LNX1: variants seen among roughly 807,000 people sequenced by gnomAD.
The protein encoded by LNX1 is E3 ubiquitin-protein ligase LNX.
A neutral mutation model predicts 68.4 loss-of-function variants in LNX1; 54 were observed. That is an observed-to-expected ratio of 0.79 (90% CI 0.63 to 0.99). LNX1 has a LOEUF of 0.99. LNX1 is among the 50% of genes least tolerant of loss of function. LNX1 has a pLI of 0.00. For synonymous variants in LNX1, 336 were observed against 350.0 expected (o/e 0.96, Z 0.45); for missense variants, 906 against 926.4 (o/e 0.98, Z 0.29).
At position 53,581,628 on chromosome 4, in the gene LNX1, C is replaced by T. The variant is rs150813974; in HGVS notation, c.-86-7540G>A. On this transcript the variant is annotated intron_variant, in intron 1 of 10. Transcript: ENST00000263925. ...GGCGAGAGAACATGTGCAGGGGAAC[C>T]GCCCTTTATAAAACCAACATATCTC... 8.0e-4 allele frequency among the ~76,000 whole-genome samples: 121 copies of T among 152,192 alleles called. No individual in the cohort carries two copies. The East Asian group carries it at 0.02, about 25-fold the overall frequency.
At chr4:53,642,886 G>T (rs1689679296) in intron 1 of LNX1, among the ~76,000 whole-genome samples, 2 of 152,174 alleles carry the variant, frequency 1.3e-5, no homozygotes, top group Non-Finnish European at 2.9e-5. Flanking sequence ...GGACCGTTAT[G>T]GTCGCCTGGG....
chr4:53,541,366 A>C (rs1486181248), intron 2 of LNX1, among the ~76,000 whole-genome samples: 1 of 152,180 alleles, frequency 6.6e-6, no homozygotes, highest in Non-Finnish European at 1.5e-5. Context: ...TCTCTAAGGA[A>C]AAGTGTGAAC....
intron 2 of LNX1, among the ~76,000 whole-genome samples, chr4:53,536,955 C>T (rs1728416412): frequency 6.6e-6 from 1 of 152,202 alleles, no homozygotes; most frequent in East Asian, 1.9e-4. Context: ...CCAAATATCT[C>T]TGACTTGGTG....
intron 9 of LNX1, among the ~76,000 whole-genome samples, chr4:53,471,079 G>T (rs1385484651): frequency 1.1e-5 from 1 of 89,642 alleles, no homozygotes; most frequent in Non-Finnish European, 2.4e-5. Flanking sequence ...CGCACTACCT[G>T]ACTTCAAACT....
chr4:53,467,471 A>G (rs970197331), intron 9 of LNX1, among the ~76,000 whole-genome samples: 2 of 152,232 alleles, frequency 1.3e-5, no homozygotes, highest in African/African-American at 4.8e-5. Flanking sequence ...CTCACCAGCA[A>G]TGGAACAAAG....
chr4:53,516,330 C>G (rs1378458463), intron 2 of LNX1, among the ~76,000 whole-genome samples: 1 of 152,170 alleles, frequency 6.6e-6, no homozygotes, highest in Non-Finnish European at 1.5e-5. Context: ...TAATTATTGT[C>G]TAACATCAAG....
intron 2 of LNX1, among the ~76,000 whole-genome samples, chr4:53,604,860 A>G (rs1360987917): frequency 6.6e-6 from 1 of 152,226 alleles, no homozygotes; most frequent in Admixed American, 6.5e-5. Context: ...GCAGGGGCAG[A>G]AAACTGGAAA....
chr4:53,549,358 T>C (rs1410635373), intron 2 of LNX1: 2 of 151,992 alleles, frequency 1.3e-5, no homozygotes, highest in East Asian at 3.9e-4. Flanking sequence ...CTTTTTCAGT[T>C]ACTAGCCCAG....
chr4:53,609,991 G>A (rs1733415647), intron 2 of LNX1, among the ~76,000 whole-genome samples: 2 of 151,622 alleles, frequency 1.3e-5, no homozygotes, highest in South Asian at 4.2e-4. Flanking sequence ...TGTGCTCAAG[G>A]TGAAATGGTA....
chr4:53,592,316 G>A (rs571169363), upstream of LNX1, among the ~76,000 whole-genome samples: 2 of 152,278 alleles, frequency 1.3e-5, no homozygotes, highest in Non-Finnish European at 2.9e-5. Flanking sequence ...TGTCCCAAGC[G>A]TGGTGTGTGA....
At chr4:53,651,405 G>GAA (rs1247604582) in intron 1 of LNX1, among the ~76,000 whole-genome samples, 2 of 152,180 alleles carry the variant, frequency 1.3e-5, no homozygotes, top group African/African-American at 4.8e-5. Flanking sequence ...GACATTTGTT[G>GAA]AAGTGAATTC....
chr4:53,512,932 T>G (rs1289276102), intron 2 of LNX1, among the ~76,000 whole-genome samples: 4 of 151,924 alleles, frequency 2.6e-5, no homozygotes, highest in African/African-American at 7.3e-5. Context: ...CTCGGGTGAG[T>G]TTGGGCCTCA....
At chr4:53,528,008 T>A (rs1019157352) in intron 2 of LNX1, among the ~76,000 whole-genome samples, 3 of 152,214 alleles carry the variant, frequency 2.0e-5, no homozygotes, top group Admixed American at 6.5e-5. Context: ...CAGGTTAATA[T>A]CTTCTAAGTT....
chr4:53,463,883 T>C (rs1189631834), intron 9 of LNX1, among the ~76,000 whole-genome samples: 1 of 152,098 alleles, frequency 6.6e-6, no homozygotes, highest in African/African-American at 2.4e-5. Flanking sequence ...TTGAGAACAC[T>C]GACTTTGAAC....
intron 6 of LNX1, among the ~76,000 whole-genome samples, chr4:53,487,374 C>T (rs1158193564): frequency 1.3e-5 from 2 of 152,204 alleles, no homozygotes; most frequent in African/African-American, 2.4e-5. Flanking sequence ...TGCATGATAA[C>T]ATTTGCTGCC....
At chr4:53,553,224 A>T (rs184866198) in intron 2 of LNX1, among the ~76,000 whole-genome samples, 2 of 152,290 alleles carry the variant, frequency 1.3e-5, no homozygotes, top group East Asian at 1.9e-4. Context: ...AATTTTCAAC[A>T]GGGAAAGTCA....
intron 2 of LNX1, among the ~76,000 whole-genome samples, chr4:53,566,413 A>G (rs1360088562): frequency 6.6e-6 from 1 of 152,118 alleles, no homozygotes; most frequent in Non-Finnish European, 1.5e-5. Flanking sequence ...TCAGAAGTGA[A>G]GGAGAAAGAA....
chr4:53,600,177 C>G (rs1005681125), intron 2 of LNX1, among the ~76,000 whole-genome samples: 3 of 152,204 alleles, frequency 2.0e-5, no homozygotes, highest in African/African-American at 7.2e-5. Flanking sequence ...CCTCCACGCA[C>G]TTGCTGTTTT....
chr4:53,523,540 G>T (rs1727392472), intron 2 of LNX1, among the ~76,000 whole-genome samples: 1 of 152,192 alleles, frequency 6.6e-6, no homozygotes. Flanking sequence ...CCCTGCCTTG[G>T]CTTCCCAAAG....
Sources: gnomAD v4.1 joint callset for allele counts (sites outside exome capture counted in the v4.1 genomes callset) on GRCh38, gnomAD v4.1.1 for gene constraint, MANE v1.5 for transcripts, NCBI Gene and HGNC (gene_info 2026-07-23, HGNC 2026-07-21) for gene names.